Variants in MMS22L observed in about 807,000 individuals in gnomAD.
The protein encoded by MMS22L is protein MMS22-like.
In MMS22L, 74 loss-of-function variants were observed where a neutral mutation model predicts 159.1. The ratio of observed to expected loss-of-function variants is 0.47; its 90% CI spans 0.39 to 0.56. The LOEUF is 0.56. MMS22L is among the 20% of genes least tolerant of loss of function. MMS22L has a pLI of 0.00. For synonymous variants in MMS22L, 517 were observed against 506.9 expected (o/e 1.02, Z -0.27); for missense variants, 1,351 against 1,422.1 (o/e 0.95, Z 0.80).
At chr6:97,181,834 C>G (rs1804743660) in intron 16 of MMS22L, 70 bp downstream of exon 16, 2 of 1,498,212 alleles carry the variant, frequency 1.3e-6, no homozygotes, top group African/African-American at 2.8e-5. Context: ...TGTGAAAATT[C>G]TTAGCTTCCT....
At chr6:97,175,363 G>A (rs992357300) in intron 18 of MMS22L, among the ~76,000 whole-genome samples, 6 of 152,152 alleles carry the variant, frequency 3.9e-5, no homozygotes, top group African/African-American at 1.2e-4. Context: ...TATGTGGCTG[G>A]AAGAATAAGA....
intron 19 of MMS22L, 107 bp from the exon 20 acceptor site, chr6:97,168,347 T>C (rs1803192503): frequency 1.1e-6 from 1 of 907,712 alleles, no homozygotes; most frequent in Non-Finnish European, 1.7e-6. Flanking sequence ...CAAATTAAAG[T>C]AGGGAATAGG....
chr6:97,164,586 T>G (rs1802775382), intron 21 of MMS22L, among the ~76,000 whole-genome samples: 1 of 152,056 alleles, frequency 6.6e-6, no homozygotes, highest in Non-Finnish European at 1.5e-5. Context: ...GCATTCATTT[T>G]TTCACTTAAT....
chr6:97,191,128 C>T (rs900431450), intron 14 of MMS22L, among the ~76,000 whole-genome samples: 1 of 152,068 alleles, frequency 6.6e-6, no homozygotes, highest in Non-Finnish European at 1.5e-5. Flanking sequence ...CATTTTGCCC[C>T]CACCTCTCTA....
chr6:97,211,447 G>T (rs1341120711), intron 14 of MMS22L, among the ~76,000 whole-genome samples: 1 of 151,962 alleles, frequency 6.6e-6, no homozygotes, highest in Non-Finnish European at 1.5e-5. Context: ...CATATCAAAA[G>T]ATTTCTTCTT....
At position 97,144,286 on chromosome 6, in the gene MMS22L, C is replaced by T. The variant is rs1800792107; in HGVS notation, c.*2520G>A. ...TGGTCTGGGGACTGGTTCCAGGATC[C>T]CCTGTGCATACCATAATCTGCACTT... On this transcript the variant is annotated 3_prime_UTR_variant, in exon 25 of 25. Transcript: ENST00000683635. 1 of 152,026 alleles carries T rather than the reference C, an allele frequency of 6.6e-6. No homozygotes were observed. The highest frequency in any genetic ancestry group is 6.6e-5 in the Admixed American group (1 of 15,252). 9.4% of individuals were successfully genotyped at this position (152,026 alleles called of 1,614,324 possible). A position where few individuals can be genotyped will look rare whatever the true frequency, so the allele number is the denominator to read the frequency against.
At chr6:97,199,507 T>C (rs1295352845) in intron 14 of MMS22L, among the ~76,000 whole-genome samples, 2 of 152,150 alleles carry the variant, frequency 1.3e-5, no homozygotes, top group Non-Finnish European at 2.9e-5. Flanking sequence ...AATGTATAAT[T>C]ACAATAGCTA....
chr6:97,200,573 T>C lies in MMS22L; in HGVS notation c.2040-13883A>G, dbSNP rs375024501. The stretch of plus-strand genomic sequence containing the variant: ...GACAGGTTTCATCTGCGTAGCACCA[T>C]TGATAACATTTATCTGCACATCAAA... On this transcript the variant is annotated intron_variant, in intron 14 of 24. Coordinates refer to ENST00000683635, the MANE Select transcript of MMS22L (RefSeq NM_001350599.2). Among the ~76,000 whole-genome samples the C allele has an allele frequency of 4.6e-5, 7 of 152,200 alleles. No individual in the cohort carries two copies. In the East Asian group the frequency reaches 5.8e-4, roughly 13 times the overall value.
chr6:97,281,983 A>G (rs187696495), intron 2 of MMS22L, among the ~76,000 whole-genome samples: 2 of 152,338 alleles, frequency 1.3e-5, no homozygotes, highest in African/African-American at 2.4e-5. Context: ...AAGCTCTAGA[A>G]TATTATCACA....
At chr6:97,248,900 G>C (rs577259589) in intron 10 of MMS22L, among the ~76,000 whole-genome samples, 57 of 152,138 alleles carry the variant, frequency 3.7e-4, no homozygotes, top group African/African-American at 1.3e-3. Context: ...TAGCTTCCTG[G>C]AGGTCATCTC....
chr6:97,173,127 A>G lies in MMS22L; in HGVS notation c.2775T>C (p.Tyr925=), dbSNP rs199925550. 6 of 1,613,742 alleles carry G rather than the reference A, an allele frequency of 3.7e-6. No individual in the cohort carries two copies. The Admixed American group carries it at 6.7e-5, about 18-fold the overall frequency. ...SLEYLGEVLK[Y]IKPYLGKKVF... ...CTTTTTTTCCCAAATAAGGCTTAAT[A>G]TATTTTAATACTTCACCAAGGTATT... The change falls in exon 19 of 25, where the codon TAT becomes TAC. Residue 925 remains tyrosine (Y), a synonymous_variant. Coordinates refer to ENST00000683635, the MANE Select transcript of MMS22L (RefSeq NM_001350599.2).
At chr6:97,164,544 C>CAAAAT (rs140707) in intron 21 of MMS22L, among the ~76,000 whole-genome samples, 82,435 of 151,224 alleles carry the variant, frequency 0.55, 23,284 homozygotes, top group African/African-American at 0.7. Flanking sequence ...ACTAAACTAA[C>CAAAAT]AAGACTTCAG....
At chr6:97,184,009 T>A (rs1001213263) in intron 15 of MMS22L, among the ~76,000 whole-genome samples, 13 of 152,302 alleles carry the variant, frequency 8.5e-5, no homozygotes, top group Middle Eastern at 3.4e-3. Flanking sequence ...CAGTCTGGAA[T>A]TGCTCTTTTC....
In MMS22L at chr6:97,162,150, C is replaced by T. The variant is rs1802508726; in HGVS notation, c.3237G>A (p.Glu1079=). 1 of 1,597,994 alleles carries T rather than the reference C, an allele frequency of 6.3e-7. No homozygotes were observed. The highest frequency in any genetic ancestry group is 8.5e-7 in the Non-Finnish European group (1 of 1,175,556). ...GAGGAGGAGGTGAGGACCCCTTATA[C>T]TCAAGGTAGGATTTCCTGAAAAGAA... ...IVQVIRKSYL[E]YKGSSPPPRL... Residue 1079 remains glutamate, a synonymous_variant, in exon 22 of 25, where the codon GAG becomes GAA. Transcript: ENST00000683635.
Position 97,281,382 on chromosome 6 carries a change from A to C in MMS22L, c.165-20T>G. ...ATCAATCTGAAATGAAAATTGTTTC[A>C]ATCTCATAAAAAGTATACTAAGTAC... On this transcript the variant is annotated intron_variant, in intron 2 of 24. Transcript: ENST00000683635. 2 of 1,573,186 alleles carry C rather than the reference A, an allele frequency of 1.3e-6. No homozygotes were observed. The highest frequency in any genetic ancestry group is 1.7e-6 in the Non-Finnish European group (2 of 1,157,712).
chr6:97,233,589 A>G (rs770281917), intron 12 of MMS22L, among the ~76,000 whole-genome samples: 1 of 152,152 alleles, frequency 6.6e-6, no homozygotes, highest in Non-Finnish European at 1.5e-5. Context: ...AGAAACATTT[A>G]TAAATGAAGA....
intron 3 of MMS22L, 52 bp from the exon 4 acceptor site, chr6:97,278,950 G>GT: frequency 6.7e-7 from 1 of 1,488,764 alleles, no homozygotes; most frequent in Non-Finnish European, 9.3e-7. Context: ...TTTAAAGCAT[G>GT]TAACAATTAC....
At chr6:97,189,205 G>C (rs939038819) in intron 14 of MMS22L, among the ~76,000 whole-genome samples, 2 of 151,316 alleles carry the variant, frequency 1.3e-5, no homozygotes, top group African/African-American at 4.9e-5. Flanking sequence ...GAGGTACCAG[G>C]GAGTATAAGT....
In MMS22L at chr6:97,229,349, T is replaced by G; in HGVS notation, c.1584A>C (p.Leu528=). The G allele has an allele frequency of 6.2e-7, 1 of 1,608,120 alleles. No homozygotes were observed. The highest frequency in any genetic ancestry group is 8.5e-7 in the Non-Finnish European group (1 of 1,177,038). The change falls in exon 14 of 25, where the codon CTA becomes CTC. Residue 528 remains leucine (L), a synonymous_variant. Coordinates refer to ENST00000683635, the MANE Select transcript of MMS22L (RefSeq NM_001350599.2). ...GTAGAAAAAGGCTAAAAAAGTTCTGTAGACCAACTTCAGTTAGTTCTTCCA... is the reference window on the plus strand; with the variant it reads ...GTAGAAAAAGGCTAAAAAAGTTCTGGAGACCAACTTCAGTTAGTTCTTCCA... ...KRMEELTEVG[L]QNFFSLFLLL...
Sources: allele counts gnomAD v4.1 joint callset (sites outside exome capture counted in the v4.1 genomes callset), GRCh38; gene constraint gnomAD v4.1.1; transcripts MANE v1.5; gene names NCBI Gene and HGNC (gene_info 2026-07-23, HGNC 2026-07-21).